TNRC6B: variants seen among roughly 807,000 people sequenced by gnomAD.
TNRC6B encodes the protein trinucleotide repeat containing adaptor 6B.
A neutral mutation model predicts 203.6 loss-of-function variants in TNRC6B; 52 were observed. The observed-to-expected ratio is 0.26, with a 90% CI of 0.20 to 0.32. The LOEUF (loss-of-function observed/expected upper bound fraction) is 0.32. Ranked by LOEUF, TNRC6B falls within the 10% of genes least tolerant of loss-of-function variation. The probability of loss-of-function intolerance (pLI) is 1.00; values close to 1 mark genes in which losing one functional copy is unlikely to be tolerated. For missense variants in TNRC6B, 1,923 were observed against 2,286.2 expected (o/e 0.84, Z 3.24); for synonymous variants, 838 against 845.7 (o/e 0.99, Z 0.16).
chr22:40,105,057 T>G (rs575352087), intron 1 of TNRC6B, among the ~76,000 whole-genome samples: 49 of 152,218 alleles, frequency 3.2e-4, no homozygotes, highest in African/African-American at 1.1e-3. Context: ...GGCAGAGAAG[T>G]GTCACAAGTA....
intron 1 of TNRC6B, among the ~76,000 whole-genome samples, chr22:40,225,759 A>AAAAAT: frequency 6.6e-6 from 1 of 151,450 alleles, no homozygotes; most frequent in Non-Finnish European, 1.5e-5. Context: ...AAAAAAAAAA[A>AAAAAT]AAAAAAAAGA....
intron 6 of TNRC6B, among the ~76,000 whole-genome samples, chr22:40,271,790 T>C (rs1406729821): frequency 1.3e-5 from 2 of 152,234 alleles, no homozygotes; most frequent in Non-Finnish European, 2.9e-5. Flanking sequence ...TCTGTAGTTA[T>C]AGCACACATC....
intron 1 of TNRC6B, among the ~76,000 whole-genome samples, chr22:40,056,854 G>A (rs2067801131): frequency 6.6e-6 from 1 of 150,760 alleles, no homozygotes; most frequent in Non-Finnish European, 1.5e-5. Context: ...TATACAGGAA[G>A]CACCCAGCGG....
At chr22:40,072,690 C>A (rs527710270) in intron 1 of TNRC6B, among the ~76,000 whole-genome samples, 12 of 151,914 alleles carry the variant, frequency 7.9e-5, no homozygotes, top group Middle Eastern at 3.4e-3. Context: ...ATGGGGAAAC[C>A]CCAGCTCCAC....
At chr22:40,195,967 C>T (rs1035528860) in intron 1 of TNRC6B, among the ~76,000 whole-genome samples, 5 of 152,006 alleles carry the variant, frequency 3.3e-5, no homozygotes, top group South Asian at 2.1e-4. Context: ...TTTTAGTAGA[C>T]GGGGTTTCAC....
intron 1 of TNRC6B, among the ~76,000 whole-genome samples, chr22:40,114,417 C>T (rs912292582): frequency 1.3e-5 from 2 of 152,118 alleles, no homozygotes; most frequent in Non-Finnish European, 2.9e-5. Flanking sequence ...ACCTCCCAGA[C>T]TCAAGCAATT....
intron 13 of TNRC6B, 93 bp downstream of exon 13, chr22:40,300,679 C>G (rs912038355): frequency 6.8e-7 from 1 of 1,475,076 alleles, no homozygotes; most frequent in African/African-American, 1.4e-5. Context: ...TTGCCACTTT[C>G]TATGTTCAAA....
intron 1 of TNRC6B, among the ~76,000 whole-genome samples, chr22:40,226,166 A>C (rs2069782649): frequency 1.3e-5 from 2 of 152,226 alleles, no homozygotes; most frequent in South Asian, 4.1e-4. Flanking sequence ...TCAATTATTC[A>C]GCTTGCTAAA....
intron 1 of TNRC6B, among the ~76,000 whole-genome samples, chr22:40,098,620 C>G (rs79429372): frequency 0.013 from 1,964 of 152,136 alleles, 50 homozygotes; most frequent in African/African-American, 0.045. Context: ...ATTTCTTACT[C>G]CCTTGGGGTG....
intron 1 of TNRC6B, among the ~76,000 whole-genome samples, chr22:40,209,244 C>T (rs2069526545): frequency 8.1e-6 from 1 of 123,462 alleles, no homozygotes; most frequent in South Asian, 2.9e-4. Context: ...ACAGAAACTT[C>T]TAAAGATAGC....
chr22:40,215,126 G>A lies in TNRC6B; in HGVS notation c.6-30889G>A, dbSNP rs968743072. Among the ~76,000 whole-genome samples, 3 of 151,858 alleles carry A rather than the reference G, an allele frequency of 2.0e-5. No individual in the cohort carries two copies. In the East Asian group the frequency reaches 5.8e-4, roughly 29 times the overall value. Reference sequence around the variant, plus strand: ...TATCTTAACAATTCATGGAGACTTAGCATTGAATCACTTTAATTGGTGTCA... The same window carrying A: ...TATCTTAACAATTCATGGAGACTTAACATTGAATCACTTTAATTGGTGTCA... On this transcript the variant is annotated intron_variant, in intron 1 of 22. Transcript: ENST00000454349.
At chr22:40,249,655 C>T (rs2070158193) in intron 2 of TNRC6B, among the ~76,000 whole-genome samples, 1 of 152,236 alleles carries the variant, frequency 6.6e-6, no homozygotes, top group Non-Finnish European at 1.5e-5. Context: ...AAGGCACTGA[C>T]TTCCTGTATA....
intron 1 of TNRC6B, among the ~76,000 whole-genome samples, chr22:40,088,102 C>T (rs1312126061): frequency 6.6e-6 from 1 of 152,148 alleles, no homozygotes; most frequent in African/African-American, 2.4e-5. Context: ...CTTCAGAAAC[C>T]TTCACTCCAA....
At chr22:40,254,852 A>C (rs1003360445) in intron 3 of TNRC6B, among the ~76,000 whole-genome samples, 2 of 152,144 alleles carry the variant, frequency 1.3e-5, no homozygotes, top group Non-Finnish European at 2.9e-5. Context: ...ATGCCATTGC[A>C]CTCCAGCTGG....
intron 4 of TNRC6B, among the ~76,000 whole-genome samples, chr22:40,158,938 G>A (rs2068844875): frequency 6.6e-6 from 1 of 152,094 alleles, no homozygotes. Context: ...ATATGATTCA[G>A]TCTGGATAGG....
At chr22:40,148,412 T>G (rs1330690416) in intron 3 of TNRC6B, among the ~76,000 whole-genome samples, 1 of 151,542 alleles carries the variant, frequency 6.6e-6, no homozygotes, top group African/African-American at 2.4e-5. Context: ...GCCTCCTGAG[T>G]AGCTGGGATT....
intron 1 of TNRC6B, among the ~76,000 whole-genome samples, chr22:40,074,109 G>T (rs1014561461): frequency 3.3e-5 from 5 of 150,630 alleles, no homozygotes; most frequent in African/African-American, 1.2e-4. Flanking sequence ...GCCTGTGCCT[G>T]TAGTCCCAGC....
At chr22:40,086,672 T>G (rs1454428324) in intron 1 of TNRC6B, among the ~76,000 whole-genome samples, 1 of 152,250 alleles carries the variant, frequency 6.6e-6, no homozygotes, top group African/African-American at 2.4e-5. Context: ...TCAAAAGATG[T>G]CTTCTTTCAC....
At chr22:40,210,325 T>C (rs2146420268) in intron 1 of TNRC6B, among the ~76,000 whole-genome samples, 1 of 152,342 alleles carries the variant, frequency 6.6e-6, no homozygotes, top group South Asian at 2.1e-4. Context: ...TGTGGGAATA[T>C]AGGCACAGAT....
Sources: allele counts gnomAD v4.1 joint callset (sites outside exome capture counted in the v4.1 genomes callset), GRCh38; gene constraint gnomAD v4.1.1; transcripts MANE v1.5; gene names NCBI Gene and HGNC (gene_info 2026-07-23, HGNC 2026-07-21).